The following EPRS1 variants were observed in gnomAD, a reference collection of about 807,000 sequenced individuals.
The protein encoded by EPRS1 is glutamyl-prolyl-tRNA synthetase 1.
A neutral mutation model predicts 188.3 loss-of-function variants in EPRS1; 107 were observed. The observed-to-expected ratio is 0.57, with a 90% CI of 0.49 to 0.67. EPRS1 has a LOEUF of 0.67. Ranked by LOEUF, EPRS1 falls within the 30% of genes least tolerant of loss-of-function variation. The probability of loss-of-function intolerance (pLI) is 0.00; values close to 1 mark genes in which losing one functional copy is unlikely to be tolerated. For missense variants in EPRS1, 1,577 were observed against 1,802.2 expected (o/e 0.88, Z 2.26); for synonymous variants, 596 against 593.1 (o/e 1.00, Z -0.07).
intron 6 of EPRS1, among the ~76,000 whole-genome samples, chr1:220,027,863 T>TA (rs1662014335): frequency 6.6e-6 from 1 of 151,374 alleles, no homozygotes; most frequent in East Asian, 1.9e-4. Flanking sequence ...AAAAATTTTT[T>TA]AAAAAAAGGG....
chr1:219,997,478 T>G, intron 17 of EPRS1, 136 bp from the exon 18 acceptor site: 1 of 724,446 alleles, frequency 1.4e-6, no homozygotes, highest in South Asian at 2.3e-5. Flanking sequence ...TTAAAAAGCT[T>G]AAATGAATAA....
At position 220,046,380 on chromosome 1, in the gene EPRS1, C is replaced by T. The variant is rs781469281; in HGVS notation, c.9G>A (p.Thr3=). The T allele has an allele frequency of 1.9e-6, 3 of 1,614,080 alleles. No homozygotes were observed. Among genetic ancestry groups the T allele is most frequent in the South Asian group, 1.1e-5 (1 of 91,070 alleles). Residue 3 remains threonine (T), a synonymous_variant, in exon 1 of 32, where the codon ACG becomes ACA. Transcript: ENST00000366923. MA[T]LSLTVNSGDP... is the part of the protein sequence containing the mutation. ...CTCCTGAATTCACGGTCAGAGAGAGCGTCGCCATCTCCACCAGTCCGCTGG... is the reference window on the plus strand; with the variant it reads ...CTCCTGAATTCACGGTCAGAGAGAGTGTCGCCATCTCCACCAGTCCGCTGG...
chr1:219,998,577 T>A (rs1053599556), intron 17 of EPRS1, among the ~76,000 whole-genome samples: 2 of 150,802 alleles, frequency 1.3e-5, no homozygotes. Flanking sequence ...AGTGTCTTGC[T>A]CTGCCGCCAG....
At chr1:220,035,600 G>A (rs559703693) in intron 2 of EPRS1, among the ~76,000 whole-genome samples, 22 of 152,150 alleles carry the variant, frequency 1.4e-4, no homozygotes, top group Admixed American at 1.0e-3. Context: ...AGGCCAAGAC[G>A]GGCAGATCAC....
intron 27 of EPRS1, 34 bp downstream of exon 27, chr1:219,979,384 T>C (rs1558271208): frequency 6.7e-7 from 1 of 1,500,430 alleles, no homozygotes; most frequent in African/African-American, 1.4e-5. Context: ...TTGTATTTTA[T>C]AAAATGAGTG....
chr1:220,019,267 G>A (rs1288412139), intron 10 of EPRS1, among the ~76,000 whole-genome samples, 188 bp from the exon 11 acceptor site: 1 of 152,022 alleles, frequency 6.6e-6, no homozygotes, highest in Non-Finnish European at 1.5e-5. Flanking sequence ...CTGCTGACCT[G>A]TCAAATACTG....
chr1:220,025,834 G>A (rs890985425), intron 6 of EPRS1, among the ~76,000 whole-genome samples: 6 of 148,574 alleles, frequency 4.0e-5, no homozygotes, highest in Admixed American at 2.0e-4. Context: ...TCGCTCTGTC[G>A]CCCAGGCTGG....
At chr1:219,976,024 C>T (rs1198983404) in intron 28 of EPRS1, among the ~76,000 whole-genome samples, 3 of 152,036 alleles carry the variant, frequency 2.0e-5, no homozygotes, top group South Asian at 4.1e-4. Flanking sequence ...AGAAAAAGTA[C>T]AAGATAAGCC....
At chr1:219,989,308 G>A (rs1229282507) in intron 18 of EPRS1, among the ~76,000 whole-genome samples, 1 of 151,808 alleles carries the variant, frequency 6.6e-6, no homozygotes, top group Non-Finnish European at 1.5e-5. Flanking sequence ...AGATGAGAAA[G>A]CATGTTGAAG....
chr1:220,011,135 A>T, intron 12 of EPRS1, 79 bp from the exon 13 acceptor site: 1 of 771,952 alleles, frequency 1.3e-6, no homozygotes, highest in Non-Finnish European at 2.2e-6. Flanking sequence ...ATAGCACAGG[A>T]ATACTAACTG....
At chr1:220,044,983 G>A (rs974393448) in intron 1 of EPRS1, among the ~76,000 whole-genome samples, 3 of 152,050 alleles carry the variant, frequency 2.0e-5, no homozygotes, top group Non-Finnish European at 2.9e-5. Flanking sequence ...TTTGTTGTGC[G>A]GTTAGTCCAT....
intron 16 of EPRS1, among the ~76,000 whole-genome samples, chr1:220,001,889 C>T (rs1401998738): frequency 6.6e-6 from 1 of 151,578 alleles, no homozygotes; most frequent in Non-Finnish European, 1.5e-5. Flanking sequence ...ATTAGCCAGG[C>T]GTGGCGGCGG....
intron 15 of EPRS1, among the ~76,000 whole-genome samples, chr1:220,005,841 GT>G (rs1158202804): frequency 2.0e-4 from 4 of 19,528 alleles, no homozygotes; most frequent in East Asian, 4.2e-3. Context: ...TTTTTTTTTT[GT>G]TTTTTTTTGT....
intron 2 of EPRS1, among the ~76,000 whole-genome samples, chr1:220,038,832 A>G (rs879853693): frequency 2.0e-5 from 3 of 152,158 alleles, no homozygotes; most frequent in Non-Finnish European, 4.4e-5. Context: ...CACAGGAACA[A>G]AGACTGTCTT....
intron 18 of EPRS1, among the ~76,000 whole-genome samples, chr1:219,994,325 G>GT (rs1353570147): frequency 6.6e-6 from 1 of 152,082 alleles, no homozygotes; most frequent in Non-Finnish European, 1.5e-5. Context: ...TCCAGGGCTG[G>GT]TTCCTGCCTT....
At chr1:220,024,669 G>T (rs757331108) in intron 7 of EPRS1, among the ~76,000 whole-genome samples, 1 of 152,172 alleles carries the variant, frequency 6.6e-6, no homozygotes, top group Non-Finnish European at 1.5e-5. Flanking sequence ...TGAGAAAGCT[G>T]ATCTCACGAT....
rs778961732 is a variant in EPRS1 at position 220,024,461 on chromosome 1, A to G, written c.751-5T>C. 1.4e-5 allele frequency: 22 copies of G among 1,586,202 alleles called. No individual in the cohort carries two copies. Among genetic ancestry groups the G allele is most frequent in the Non-Finnish European group, 1.9e-5 (22 of 1,168,856 alleles). On this transcript the variant is annotated splice_region_variant and splice_polypyrimidine_tract_variant and intron_variant, in intron 7 of 31. Coordinates refer to ENST00000366923, the MANE Select transcript of EPRS1 (RefSeq NM_004446.3). ...TGCAACATCTTCCAAGATAACCTGTAGTAAGAAACCAAAATAACCATCAGT... is the reference window on the plus strand; with the variant it reads ...TGCAACATCTTCCAAGATAACCTGTGGTAAGAAACCAAAATAACCATCAGT...
In EPRS1 at chr1:219,973,403, A is replaced by G. The variant is rs1660707060; in HGVS notation, c.4084-5T>C. Reference sequence around the variant, plus strand: ...TTCAAGTCTAATGGGAACTCCCTATAAGATAAAAAAGGCAGTTAAAATGAT... The same window carrying G: ...TTCAAGTCTAATGGGAACTCCCTATGAGATAAAAAAGGCAGTTAAAATGAT... On this transcript the variant is annotated splice_region_variant and splice_polypyrimidine_tract_variant and intron_variant, in intron 28 of 31. Transcript: ENST00000366923. The G allele has an allele frequency of 6.3e-7, 1 of 1,599,152 alleles. No homozygotes were observed. The highest frequency in any genetic ancestry group is 8.5e-7 in the Non-Finnish European group (1 of 1,171,498).
chr1:220,005,681 T>C (rs899334480), intron 15 of EPRS1, among the ~76,000 whole-genome samples: 1 of 152,194 alleles, frequency 6.6e-6, no homozygotes, highest in African/African-American at 2.4e-5. Context: ...GTGAAAGGCA[T>C]GCTGGCGTAA....
Sources: gnomAD v4.1 joint callset for allele counts (sites outside exome capture counted in the v4.1 genomes callset) on GRCh38, gnomAD v4.1.1 for gene constraint, MANE v1.5 for transcripts, NCBI Gene and HGNC (gene_info 2026-07-23, HGNC 2026-07-21) for gene names.